The following POLN variants were observed in gnomAD, a reference collection of about 807,000 sequenced individuals.
POLN encodes the protein DNA polymerase nu.
A neutral mutation model predicts 113.5 loss-of-function variants in POLN; 108 were observed. The observed-to-expected ratio is 0.95, with a 90% CI of 0.81 to 1.12. POLN has a LOEUF of 1.12. Among genes scored for constraint, POLN ranks in the 50% most tolerant of loss-of-function variants. The probability of loss-of-function intolerance (pLI) is 0.00; values close to 1 mark genes in which losing one functional copy is unlikely to be tolerated. For missense variants in POLN, 1,097 were observed against 1,077.1 expected, an observed-to-expected ratio of 1.02 and a Z score of -0.26; for synonymous variants, 386 against 391.5, an observed-to-expected ratio of 0.99 and a Z score of 0.17.
intron 19 of POLN, among the ~76,000 whole-genome samples, chr4:2,111,126 C>A (rs1355575811): frequency 6.6e-6 from 1 of 152,132 alleles, no homozygotes; most frequent in Non-Finnish European, 1.5e-5. Context: ...ATAAACAGAA[C>A]CAAAGACAAA....
rs528997055 is a variant in POLN, at chr4:2,141,835, C to G, written c.1732-10545G>C. ...GGAGAGCTCGGCCCCCTCGGCATGG[C>G]ACTCCTGGAGACTGCGACCCAGCCT... On this transcript the variant is annotated intron_variant, in intron 16 of 25. Transcript: ENST00000511885. Among the ~76,000 whole-genome samples, 143 of 152,364 alleles carry G rather than the reference C, an allele frequency of 9.4e-4. 1 individual carries two copies. Among genetic ancestry groups the G allele is most frequent in the African/African-American group, 3.3e-3 (139 of 41,578 alleles).
intron 14 of POLN, 27 bp from the exon 15 acceptor site, chr4:2,157,938 TTTTC>T (rs753657918): frequency 6.4e-7 from 1 of 1,571,740 alleles, no homozygotes; most frequent in South Asian, 1.1e-5. Context: ...AGAATAATCA[TTTTC>T]TTTAAGTCTT....
At chr4:2,240,767 A>T (rs1368344248) in intron 2 of POLN, 4 of 1,613,992 alleles carry the variant, frequency 2.5e-6, no homozygotes, top group Non-Finnish European at 3.4e-6. Context: ...GAATGCTAAA[A>T]GCTTCCAATT....
intron 22 of POLN, 195 bp downstream of exon 22, chr4:2,081,438 C>T (rs569467352): frequency 7.2e-5 from 46 of 642,120 alleles, no homozygotes; most frequent in Non-Finnish European, 1.0e-4. Flanking sequence ...ATCCTAGCTA[C>T]AAAGATGACC....
Position 2,207,989 on chromosome 4 carries a change from G to C in POLN, c.712C>G (p.Gln238Glu). ...TDGSTQLGAD[Q>E]TPVSSVRGIV... ...TAAAAACATCACTGTTTACTAACCT[G>C]GTCAGCTCCTAGCTGGGTGGAACCA... Residue 238 changes from glutamine to glutamate, a missense_variant and splice_region_variant, in exon 5 of 26, where the codon CAG (glutamine) becomes GAG (glutamate). By Grantham distance (29) the Gln-to-Glu change is conservative (BLOSUM62 2). Transcript: ENST00000511885. The C allele has an allele frequency of 1.3e-6, 2 of 1,597,374 alleles. No homozygotes were observed. The highest frequency in any genetic ancestry group is 1.7e-6 in the Non-Finnish European group (2 of 1,174,010).
At chr4:2,221,700 C>T (rs1018744758) in intron 3 of POLN, among the ~76,000 whole-genome samples, 1 of 152,138 alleles carries the variant, frequency 6.6e-6, no homozygotes, top group South Asian at 2.1e-4. Context: ...CTCATCCTCC[C>T]GAGCAGCTGG....
intron 13 of POLN, among the ~76,000 whole-genome samples, chr4:2,164,242 A>G (rs1262239174): frequency 1.3e-5 from 2 of 152,040 alleles, no homozygotes; most frequent in African/African-American, 4.8e-5. Context: ...TGGCTCACAC[A>G]TGTAATCCCA....
intron 7 of POLN, among the ~76,000 whole-genome samples, chr4:2,189,578 G>T (rs552114908): frequency 1.3e-5 from 2 of 151,398 alleles, no homozygotes; most frequent in South Asian, 4.2e-4. Context: ...GGCAGAGCTT[G>T]CAGTAAGCCA....
At chr4:2,196,187 C>A (rs945810768) in intron 6 of POLN, among the ~76,000 whole-genome samples, 1 of 152,082 alleles carries the variant, frequency 6.6e-6, no homozygotes, top group African/African-American at 2.4e-5. Flanking sequence ...TTGGGACATA[C>A]GTATACTAAG....
At chr4:2,151,252 CTGCA>C (rs1732288743) in intron 16 of POLN, among the ~76,000 whole-genome samples, 1 of 152,178 alleles carries the variant, frequency 6.6e-6, no homozygotes, top group African/African-American at 2.4e-5. Context: ...GCAATGAAAA[CTGCA>C]ATGAGACACC....
intron 16 of POLN, among the ~76,000 whole-genome samples, chr4:2,138,173 G>A (rs1051736707): frequency 3.9e-5 from 6 of 152,166 alleles, no homozygotes; most frequent in Non-Finnish European, 7.3e-5. Context: ...CAAGCACCCT[G>A]AACATCCTGG....
intron 13 of POLN, among the ~76,000 whole-genome samples, chr4:2,167,051 A>C (rs1034789573): frequency 6.6e-6 from 1 of 152,100 alleles, no homozygotes; most frequent in Non-Finnish European, 1.5e-5. Flanking sequence ...TTCCCCACTA[A>C]ACCATCAACG....
At chr4:2,112,874 T>C (rs1577699861) in intron 19 of POLN, among the ~76,000 whole-genome samples, 2 of 152,146 alleles carry the variant, frequency 1.3e-5, no homozygotes, top group Admixed American at 6.6e-5. Context: ...GACCCAGCCA[T>C]CCCATTACTG....
chr4:2,226,406 T>A lies in POLN; in HGVS notation c.133+2693A>T, dbSNP rs1015661496. Among the ~76,000 whole-genome samples, 17 of 152,338 alleles carry A rather than the reference T, an allele frequency of 1.1e-4. No individual in the cohort carries two copies. The South Asian group carries it at 1.4e-3, about 13-fold the overall frequency. On this transcript the variant is annotated intron_variant, in intron 3 of 25. Transcript: ENST00000511885. ...TATCTGGAATAATTTAAAATGCCCA[T>A]GATTATGAAGTGGTTGCCATAAAAG...
intron 21 of POLN, 35 bp from the exon 22 acceptor site, chr4:2,081,778 G>T: frequency 6.3e-7 from 1 of 1,584,062 alleles, no homozygotes; most frequent in Non-Finnish European, 8.7e-7. Context: ...ATGAGGGACA[G>T]AAACAGGCAC....
At chr4:2,104,863 G>A (rs996250318) in intron 19 of POLN, among the ~76,000 whole-genome samples, 15 of 152,214 alleles carry the variant, frequency 9.9e-5, no homozygotes, top group African/African-American at 3.6e-4. Flanking sequence ...AAGGTGTGCT[G>A]TTGCTGTCAC....
At chr4:2,189,813 G>A (rs1285464270) in intron 7 of POLN, among the ~76,000 whole-genome samples, 3 of 151,510 alleles carry the variant, frequency 2.0e-5, no homozygotes, top group South Asian at 2.1e-4. Flanking sequence ...GGTGGATCAC[G>A]AGGTCAGGAG....
Position 2,176,142 on chromosome 4 carries a change from A to T in POLN, c.1248+124T>A, listed in dbSNP as rs1732989401. 4 of 780,088 alleles carry T rather than the reference A, an allele frequency of 5.1e-6. No individual in the cohort carries two copies. In the Admixed American group the frequency reaches 7.1e-5, roughly 14 times the overall value. 48.3% of individuals were successfully genotyped at this position (780,088 alleles called of 1,614,324 possible). A position where few individuals can be genotyped will look rare whatever the true frequency, so the allele number is the denominator to read the frequency against. On this transcript the variant is annotated intron_variant, in intron 9 of 25. Transcript: ENST00000511885. ...CCCTTTTCTGAGTAATGCACAGGTT[A>T]ATTTGTTCTTAGAACTCAACGTTTC...
intron 6 of POLN, 62 bp downstream of exon 6, chr4:2,198,462 T>C: frequency 7.2e-7 from 1 of 1,396,418 alleles, no homozygotes. Flanking sequence ...CTTGAGCAAG[T>C]TTCCATTAGT....
Sources: allele counts gnomAD v4.1 joint callset (sites outside exome capture counted in the v4.1 genomes callset), GRCh38; gene constraint gnomAD v4.1.1; transcripts MANE v1.5; gene names NCBI Gene and HGNC (gene_info 2026-07-23, HGNC 2026-07-21).